The following TMEM117 variants were observed in gnomAD, a reference collection of about 807,000 sequenced individuals.
The protein encoded by TMEM117 is transmembrane protein 117.
TMEM117 carries 27 observed loss-of-function variants against 52.4 expected under a neutral mutation model. That is an observed-to-expected ratio of 0.51 (90% confidence interval 0.38 to 0.71). TMEM117 has a LOEUF of 0.71. Among genes scored for constraint, TMEM117 ranks in the 30% least tolerant of loss-of-function variants. TMEM117 has a pLI of 0.00. For missense variants in TMEM117, 556 were observed against 630.5 expected (o/e 0.88, Z 1.26); for synonymous variants, 215 against 206.3 (o/e 1.04, Z -0.36).
the TMEM117 span, among the ~76,000 whole-genome samples, chr12:43,808,812 GAAAAAA>G: frequency 4.8e-4 from 39 of 80,780 alleles, no homozygotes; most frequent in South Asian, 0.01. Flanking sequence ...TCAAAGGGGA[GAAAAAA>G]AAAAAAAAAA....
At chr12:43,932,498 G>T (rs562879152) in intron 2 of TMEM117, among the ~76,000 whole-genome samples, 1 of 151,864 alleles carries the variant, frequency 6.6e-6, no homozygotes, top group South Asian at 2.1e-4. Context: ...AGATCTTTAC[G>T]CTTGGCTTAA....
chr12:43,966,961 G>A (rs1945494965), intron 3 of TMEM117, among the ~76,000 whole-genome samples: 1 of 152,200 alleles, frequency 6.6e-6, no homozygotes, highest in East Asian at 1.9e-4. Flanking sequence ...TAGAATGTGA[G>A]AAATGACTAT....
chr12:43,798,719 C>A, the TMEM117 span: 3 of 1,001,558 alleles, frequency 3.0e-6, no homozygotes, highest in Non-Finnish European at 4.2e-6. Flanking sequence ...AAATGATATT[C>A]AACCATTCTC....
chr12:43,894,861 T>A (rs78538653), intron 2 of TMEM117, among the ~76,000 whole-genome samples: 9 of 142,858 alleles, frequency 6.3e-5, no homozygotes, highest in South Asian at 2.3e-4. Flanking sequence ...CCTTTTTTTT[T>A]AAATAGAATT....
chr12:44,151,937 ATAT>A (rs1948733511), intron 4 of TMEM117, among the ~76,000 whole-genome samples: 4 of 128,938 alleles, frequency 3.1e-5, no homozygotes, highest in South Asian at 2.2e-4. Flanking sequence ...ATTATATATT[ATAT>A]TATATTACAT....
At chr12:43,860,713 A>T (rs1278608120) in intron 2 of TMEM117, among the ~76,000 whole-genome samples, 1 of 152,084 alleles carries the variant, frequency 6.6e-6, no homozygotes, top group Admixed American at 6.6e-5. Context: ...AGAGAGTAGG[A>T]GGAGAAGTGG....
chr12:44,158,311 G>A (rs1332048112), intron 4 of TMEM117, among the ~76,000 whole-genome samples: 1 of 152,122 alleles, frequency 6.6e-6, no homozygotes, highest in East Asian at 1.9e-4. Flanking sequence ...AGTAAACCCA[G>A]GGGAATCATA....
intron 4 of TMEM117, among the ~76,000 whole-genome samples, chr12:44,198,548 A>T (rs949886443): frequency 4.6e-5 from 7 of 152,112 alleles, no homozygotes; most frequent in African/African-American, 1.4e-4. Flanking sequence ...CATAGGATGG[A>T]CACACACCCA....
intron 5 of TMEM117, among the ~76,000 whole-genome samples, chr12:44,281,442 G>A (rs1950575565): frequency 6.6e-6 from 1 of 151,942 alleles, no homozygotes; most frequent in Non-Finnish European, 1.5e-5. Context: ...TGTTTGAGAT[G>A]CAACTCAGAC....
intron 2 of TMEM117, among the ~76,000 whole-genome samples, chr12:43,848,677 C>T (rs996302285): frequency 3.3e-5 from 5 of 152,172 alleles, no homozygotes; most frequent in South Asian, 2.1e-4. Flanking sequence ...GTACAGTTAA[C>T]GCAATGATCA....
chr12:44,170,923 T>C (rs541264297), intron 4 of TMEM117, among the ~76,000 whole-genome samples: 12 of 152,206 alleles, frequency 7.9e-5, no homozygotes, highest in Non-Finnish European at 1.5e-4. Flanking sequence ...AGAGATCTTA[T>C]TCAAATTTTG....
At chr12:44,060,324 A>G (rs1947120131) in intron 3 of TMEM117, among the ~76,000 whole-genome samples, 1 of 152,196 alleles carries the variant, frequency 6.6e-6, no homozygotes, top group African/African-American at 2.4e-5. Flanking sequence ...GTTTGGGGCA[A>G]CTGTAGAAGG....
intron 3 of TMEM117, among the ~76,000 whole-genome samples, chr12:44,041,122 T>G (rs1365486889): frequency 6.6e-6 from 1 of 152,090 alleles, no homozygotes; most frequent in African/African-American, 2.4e-5. Context: ...ACTGTAAGTT[T>G]TAGGGTACAT....
chr12:44,030,021 T>C, intron 3 of TMEM117, among the ~76,000 whole-genome samples: 1 of 152,148 alleles, frequency 6.6e-6, no homozygotes, highest in South Asian at 2.1e-4. Flanking sequence ...TGTATATGTA[T>C]ATATGTTGTG....
At chr12:44,294,285 T>C (rs991534177) in intron 5 of TMEM117, among the ~76,000 whole-genome samples, 12 of 152,184 alleles carry the variant, frequency 7.9e-5, no homozygotes, top group African/African-American at 2.7e-4. Context: ...CCTCTCTATC[T>C]GTGAGGAATA....
chr12:44,395,941 A>G, the TMEM117 span, among the ~76,000 whole-genome samples: 7 of 152,342 alleles, frequency 4.6e-5, no homozygotes, highest in African/African-American at 1.7e-4. Flanking sequence ...TCAGAAGAGC[A>G]TTTGCAAAAT....
At chr12:44,008,796 C>A in intron 3 of TMEM117, 1 of 442,656 alleles carries the variant, frequency 2.3e-6, no homozygotes, top group South Asian at 1.9e-5. Flanking sequence ...TTTCCACATT[C>A]ATGACATTTA....
chr12:44,130,756 G>GT (rs963447145), intron 3 of TMEM117, among the ~76,000 whole-genome samples: 16 of 150,098 alleles, frequency 1.1e-4, no homozygotes, highest in Middle Eastern at 3.4e-3. Flanking sequence ...ATTTGTAAAT[G>GT]TTTTTTTTTC....
chr12:43,808,015 T>C, the TMEM117 span, among the ~76,000 whole-genome samples: 2 of 152,148 alleles, frequency 1.3e-5, no homozygotes, highest in African/African-American at 2.4e-5. Context: ...AAATAGCAGG[T>C]TTTGTTTTTT....
Sources: allele counts gnomAD v4.1 joint callset (sites outside exome capture counted in the v4.1 genomes callset), GRCh38; gene constraint gnomAD v4.1.1; transcripts MANE v1.5; gene names NCBI Gene and HGNC (gene_info 2026-07-23, HGNC 2026-07-21).